NWD2: variants seen among roughly 807,000 people sequenced by gnomAD.
NWD2 encodes NACHT and WD repeat domain-containing protein 2.
Under a neutral mutation model 132.7 loss-of-function variants are expected in NWD2, and 37 were observed. That is an observed-to-expected ratio of 0.28 (90% confidence interval 0.21 to 0.37). The LOEUF (loss-of-function observed/expected upper bound fraction) is 0.37. NWD2 is among the 10% of genes least tolerant of loss of function. The pLI is 1.00. For missense variants in NWD2, 1,592 were observed against 2,122.4 expected (o/e 0.75, Z 4.91); for synonymous variants, 705 against 803.0 (o/e 0.88, Z 2.06).
At chr4:37,355,132 T>A (rs1194512556) in intron 2 of NWD2, among the ~76,000 whole-genome samples, 3 of 152,180 alleles carry the variant, frequency 2.0e-5, no homozygotes, top group Non-Finnish European at 4.4e-5. Context: ...TTTACTAATT[T>A]ATATTTACTT....
intron 2 of NWD2, among the ~76,000 whole-genome samples, chr4:37,326,397 TA>T (rs1445390851): frequency 6.6e-6 from 1 of 152,174 alleles, no homozygotes; most frequent in Non-Finnish European, 1.5e-5. Context: ...TTTTCAAACT[TA>T]TTTCCTTTCA....
At position 37,356,630 on chromosome 4, in the gene NWD2, T is replaced by C. The variant is rs193215475; in HGVS notation, c.357+148T>C. The C allele has an allele frequency of 1.0e-4, 61 of 591,244 alleles. 1 individual carries two copies. In the East Asian group the frequency reaches 1.5e-3, roughly 14 times the overall value. The allele number at this position is 591,244 out of a possible 1,614,324, so 36.6% of individuals were successfully genotyped here. A position where few individuals can be genotyped will look rare whatever the true frequency, so the allele number is the denominator to read the frequency against. On this transcript the variant is annotated intron_variant, in intron 3 of 6. Coordinates refer to ENST00000309447, the MANE Select transcript of NWD2 (RefSeq NM_001144990.2). Reference sequence around the variant, plus strand: ...AACATTTTAAGCTGTCTCCTGGCTCTCAATGTATGAGAACAAAAAGCTTCA... The same window carrying C: ...AACATTTTAAGCTGTCTCCTGGCTCCCAATGTATGAGAACAAAAAGCTTCA...
chr4:37,277,144 AAAGTC>A (rs1199696421), intron 1 of NWD2, among the ~76,000 whole-genome samples: 1 of 151,916 alleles, frequency 6.6e-6, no homozygotes, highest in Non-Finnish European at 1.5e-5. Context: ...AAAAAAAAAA[AAAGTC>A]AGCCATTAAT....
At chr4:37,316,999 T>C in intron 1 of NWD2, among the ~76,000 whole-genome samples, 1 of 152,192 alleles carries the variant, frequency 6.6e-6, no homozygotes, top group East Asian at 1.9e-4. Flanking sequence ...GTTATTTAAT[T>C]ACTATAATTT....
Position 37,408,513 on chromosome 4 carries a change from A to G in NWD2, c.358-22059A>G, listed in dbSNP as rs535473182. On this transcript the variant is annotated intron_variant, in intron 3 of 6. Coordinates refer to ENST00000309447, the MANE Select transcript of NWD2 (RefSeq NM_001144990.2). ...TCTGGGCAGGGCATCTCTGAAAAAA[A>G]GGCAGCAGACCCAGTCAGGGACTTG... 2.6e-5 allele frequency among the ~76,000 whole-genome samples: 4 copies of G among 152,324 alleles called. No homozygotes were observed. In the East Asian group the frequency reaches 7.7e-4, roughly 29 times the overall value.
intron 1 of NWD2, among the ~76,000 whole-genome samples, chr4:37,324,705 A>G (rs151110313): frequency 6.6e-5 from 10 of 152,256 alleles, no homozygotes; most frequent in Non-Finnish European, 1.2e-4. Flanking sequence ...GACCACAGAC[A>G]ATCCAGAAGA....
chr4:37,440,114 C>T (rs943334077), intron 6 of NWD2, among the ~76,000 whole-genome samples: 3 of 152,164 alleles, frequency 2.0e-5, no homozygotes, highest in Admixed American at 6.5e-5. Context: ...TACCTCTGCC[C>T]TATCTTCCCT....
chr4:37,432,133 T>C (rs1276564687), intron 4 of NWD2, among the ~76,000 whole-genome samples: 2 of 152,084 alleles, frequency 1.3e-5, no homozygotes, highest in Non-Finnish European at 2.9e-5. Flanking sequence ...TCAGTCATCT[T>C]CTCATCAAAC....
At chr4:37,320,905 C>T (rs903741718) in intron 1 of NWD2, among the ~76,000 whole-genome samples, 3 of 152,132 alleles carry the variant, frequency 2.0e-5, no homozygotes, top group Non-Finnish European at 4.4e-5. Context: ...CACCTGTAAT[C>T]CCAGCACTTT....
chr4:37,410,142 A>G (rs1336946065), intron 3 of NWD2, among the ~76,000 whole-genome samples: 1 of 152,198 alleles, frequency 6.6e-6, no homozygotes, highest in African/African-American at 2.4e-5. Flanking sequence ...ACGGGATCAA[A>G]TTCACACATA....
intron 3 of NWD2, among the ~76,000 whole-genome samples, chr4:37,365,294 T>A (rs905524268): frequency 6.6e-6 from 1 of 152,138 alleles, no homozygotes; most frequent in African/African-American, 2.4e-5. Flanking sequence ...ACATGAAAAA[T>A]TTAAATAAGT....
chr4:37,339,074 A>G (rs750196038), intron 2 of NWD2, among the ~76,000 whole-genome samples: 3 of 152,198 alleles, frequency 2.0e-5, no homozygotes, highest in Non-Finnish European at 1.5e-5. Flanking sequence ...TCACAGGGCC[A>G]GTGCTCCAAC....
chr4:37,322,412 G>A (rs1341657257), intron 1 of NWD2, among the ~76,000 whole-genome samples: 1 of 152,154 alleles, frequency 6.6e-6, no homozygotes, highest in Non-Finnish European at 1.5e-5. Context: ...ATGATCACAG[G>A]ACTAAGCATT....
chr4:37,325,875 T>C, intron 1 of NWD2, 61 bp from the exon 2 acceptor site: 1 of 994,154 alleles, frequency 1.0e-6, no homozygotes, highest in Admixed American at 2.6e-5. Flanking sequence ...GTTTTCATTT[T>C]TTTGCCAGAA....
chr4:37,328,466 T>C (rs79917773), intron 2 of NWD2, among the ~76,000 whole-genome samples: 23,457 of 151,804 alleles, frequency 0.15, 2,310 homozygotes, highest in South Asian at 0.32. Flanking sequence ...CATTGTTCAA[T>C]GCCCACTTAT....
chr4:37,331,525 C>G (rs1719291254), intron 2 of NWD2, among the ~76,000 whole-genome samples: 1 of 146,454 alleles, frequency 6.8e-6, no homozygotes, highest in South Asian at 2.4e-4. Context: ...TTGAGTATTT[C>G]TATACAATAC....
chr4:37,417,507 G>A (rs1276878602), intron 3 of NWD2, among the ~76,000 whole-genome samples: 1 of 152,130 alleles, frequency 6.6e-6, no homozygotes, highest in Non-Finnish European at 1.5e-5. Context: ...TCTTTGGAAG[G>A]AGGAGGGGAA....
chr4:37,358,399 A>C (rs1301906257), intron 3 of NWD2, among the ~76,000 whole-genome samples: 1 of 149,648 alleles, frequency 6.7e-6, no homozygotes, highest in East Asian at 1.9e-4. Flanking sequence ...TGTGGCCTGA[A>C]AAGAATGCAA....
chr4:37,376,472 ACT>A (rs1253807234), intron 3 of NWD2, among the ~76,000 whole-genome samples: 3 of 152,002 alleles, frequency 2.0e-5, no homozygotes, highest in Admixed American at 6.6e-5. Context: ...AAGAACACAG[ACT>A]CTCTTTTTTT....
Sources: gnomAD v4.1 joint callset for allele counts (sites outside exome capture counted in the v4.1 genomes callset) on GRCh38, gnomAD v4.1.1 for gene constraint, MANE v1.5 for transcripts, NCBI Gene and HGNC (gene_info 2026-07-23, HGNC 2026-07-21) for gene names.